Variants in RARB observed in about 807,000 individuals in gnomAD.
RARB encodes the protein retinoic acid receptor beta, also known as HBV-activated protein.
A neutral mutation model predicts 51.9 loss-of-function variants in RARB; 17 were observed. The observed-to-expected ratio is 0.33, with a 90% CI of 0.22 to 0.49. The LOEUF (loss-of-function observed/expected upper bound fraction) is 0.49, where lower values mean the gene tolerates loss of function less well. Ranked by LOEUF, RARB falls within the 20% of genes least tolerant of loss-of-function variation. RARB has a pLI of 0.99. For synonymous variants in RARB, 215 were observed against 195.4 expected, an observed-to-expected ratio of 1.10 and a Z score of -0.84; for missense variants, 369 against 550.8, an observed-to-expected ratio of 0.67 and a Z score of 3.30.
intron 2 of RARB, among the ~76,000 whole-genome samples, chr3:25,494,075 G>A (rs1346364551): frequency 6.6e-6 from 1 of 152,120 alleles, no homozygotes; most frequent in African/African-American, 2.4e-5. Context: ...ATCTACTTCA[G>A]ATAGATGCAT....
chr3:25,270,321 C>T (rs1026975758), intron 5 of RARB, among the ~76,000 whole-genome samples: 7 of 151,894 alleles, frequency 4.6e-5, no homozygotes, highest in South Asian at 2.1e-4. Flanking sequence ...TGAAATTCAG[C>T]GACATACTAC....
chr3:25,217,045 G>C (rs1046911291), intron 5 of RARB, among the ~76,000 whole-genome samples: 2 of 152,082 alleles, frequency 1.3e-5, no homozygotes, highest in Non-Finnish European at 2.9e-5. Flanking sequence ...CAAGAGGTGC[G>C]TGCTATCTAA....
intron 5 of RARB, among the ~76,000 whole-genome samples, chr3:25,218,614 C>T (rs1701883839): frequency 6.6e-6 from 1 of 152,112 alleles, no homozygotes; most frequent in African/African-American, 2.4e-5. Context: ...CCTCAGGAAA[C>T]AAAAAACTTC....
chr3:25,134,246 A>G (rs1265418215), intron 4 of RARB, among the ~76,000 whole-genome samples: 2 of 151,946 alleles, frequency 1.3e-5, no homozygotes, highest in African/African-American at 2.4e-5. Flanking sequence ...AATATTTAGT[A>G]GAGTGTTGTA....
chr3:25,208,256 A>G (rs1232846629), intron 5 of RARB, among the ~76,000 whole-genome samples: 1 of 152,176 alleles, frequency 6.6e-6, no homozygotes, highest in Non-Finnish European at 1.5e-5. Context: ...ATTGTTCTGA[A>G]TGAGACGCTA....
At chr3:24,866,365 T>G (rs1702849005) in intron 2 of RARB, among the ~76,000 whole-genome samples, 2 of 152,110 alleles carry the variant, frequency 1.3e-5, no homozygotes, top group Admixed American at 1.3e-4. Context: ...AAAATTCTAC[T>G]TTAGCATAGA....
intron 3 of RARB, among the ~76,000 whole-genome samples, chr3:25,502,963 G>A (rs1697392792): frequency 1.3e-5 from 2 of 152,172 alleles, no homozygotes; most frequent in South Asian, 2.1e-4. Context: ...ACAGCTTTTG[G>A]AATGAGTGTC....
chr3:25,446,996 G>A (rs549223517), intron 1 of RARB, among the ~76,000 whole-genome samples: 1 of 142,770 alleles, frequency 7.0e-6, no homozygotes, highest in African/African-American at 2.8e-5. Context: ...TTCCTCAGGT[G>A]AATAACAGAG....
At chr3:24,906,165 C>T (rs538796977) in intron 2 of RARB, among the ~76,000 whole-genome samples, 34 of 152,214 alleles carry the variant, frequency 2.2e-4, no homozygotes, top group African/African-American at 7.2e-4. Flanking sequence ...GAGGGGATGT[C>T]GTGGCCACAT....
intron 2 of RARB, among the ~76,000 whole-genome samples, chr3:25,492,626 A>G (rs1011497139): frequency 2.6e-5 from 4 of 152,218 alleles, no homozygotes; most frequent in African/African-American, 9.6e-5. Context: ...GATTCACCTG[A>G]CAAAATCCAG....
At chr3:25,245,324 G>C (rs911699529) in intron 5 of RARB, among the ~76,000 whole-genome samples, 1 of 152,122 alleles carries the variant, frequency 6.6e-6, no homozygotes, top group Non-Finnish European at 1.5e-5. Context: ...ATATTGTTTT[G>C]TGTGAGACTG....
intron 2 of RARB, among the ~76,000 whole-genome samples, chr3:25,469,698 T>C (rs914577359): frequency 6.6e-6 from 1 of 152,192 alleles, no homozygotes; most frequent in Non-Finnish European, 1.5e-5. Context: ...AGCTCCAGGA[T>C]ATAGAAATGA....
intron 1 of RARB, among the ~76,000 whole-genome samples, chr3:25,452,307 G>C (rs989785402): frequency 5.9e-5 from 9 of 152,172 alleles, no homozygotes; most frequent in Non-Finnish European, 1.3e-4. Flanking sequence ...ATGAAATGTT[G>C]GTGTTGAACG....
chr3:25,120,887 A>T (rs779270528), intron 3 of RARB, among the ~76,000 whole-genome samples: 1 of 152,148 alleles, frequency 6.6e-6, no homozygotes, highest in Non-Finnish European at 1.5e-5. Flanking sequence ...CATATTGTCT[A>T]TGGCCACTTT....
intron 2 of RARB, among the ~76,000 whole-genome samples, chr3:25,487,386 G>C (rs925139409): frequency 6.6e-6 from 1 of 151,474 alleles, no homozygotes; most frequent in Non-Finnish European, 1.5e-5. Flanking sequence ...AATTAAAAGT[G>C]AAAAATAATC....
intron 3 of RARB, among the ~76,000 whole-genome samples, chr3:25,556,199 T>A (rs1447967756): frequency 1.3e-5 from 2 of 152,154 alleles, no homozygotes; most frequent in Non-Finnish European, 2.9e-5. Flanking sequence ...AAAGAAGATT[T>A]TTGTGAACTA....
intron 5 of RARB, among the ~76,000 whole-genome samples, chr3:25,304,001 G>GA (rs1304091446): frequency 6.6e-5 from 10 of 152,164 alleles, no homozygotes; most frequent in African/African-American, 9.6e-5. Context: ...CAAAGCTCCA[G>GA]AAAAAATGGA....
intron 2 of RARB, among the ~76,000 whole-genome samples, chr3:24,912,991 T>TTTTTTTTTTTTC (rs1695025655): frequency 7.8e-6 from 1 of 128,458 alleles, no homozygotes; most frequent in African/African-American, 2.8e-5. Context: ...TTTTTTTTTT[T>TTTTTTTTTTTTC]TTTTTTGGAG....
chr3:25,137,874 G>T (rs1260075148), intron 4 of RARB, among the ~76,000 whole-genome samples: 6 of 152,218 alleles, frequency 3.9e-5, no homozygotes, highest in African/African-American at 1.4e-4. Flanking sequence ...TGTAAGACCT[G>T]AAGGCAAGAG....
Sources: gnomAD v4.1 joint callset for allele counts (sites outside exome capture counted in the v4.1 genomes callset) on GRCh38, gnomAD v4.1.1 for gene constraint, MANE v1.5 for transcripts, NCBI Gene and HGNC (gene_info 2026-07-23, HGNC 2026-07-21) for gene names.